FEZ1: variants seen among roughly 807,000 people sequenced by gnomAD.
FEZ1 encodes the protein fasciculation and elongation protein zeta 1.
In FEZ1, 20 loss-of-function variants were observed where a neutral mutation model predicts 49.3. The ratio of observed to expected loss-of-function variants is 0.41; its 90% confidence interval spans 0.29 to 0.59. The LOEUF (loss-of-function observed/expected upper bound fraction) is 0.59. FEZ1 is among the 20% of genes least tolerant of loss of function. The pLI, the probability that FEZ1 is intolerant of heterozygous loss-of-function variation, is 0.36. For missense variants in FEZ1, 413 were observed against 476.0 expected (o/e 0.87, Z 1.23); for synonymous variants, 170 against 180.9 (o/e 0.94, Z 0.48).
In FEZ1 at chr11:125,481,590, C is replaced by G; in HGVS notation, c.355G>C (p.Glu119Gln). 6.2e-7 allele frequency: 1 copy of G among 1,613,412 alleles called. No individual in the cohort carries two copies. The change falls in exon 3 of 10, where the codon GAA becomes CAA. Residue 119 changes from glutamate (E) to glutamine (Q), a missense_variant. By Grantham distance (29) the Glu-to-Gln change is conservative (BLOSUM62 2). Transcript: ENST00000278919. ...LTDNYIPSLS[E>Q]DWRDPNIEAL... The stretch of plus-strand genomic sequence containing the variant: ...TCGATGTTTGGATCCCTCCAGTCTT[C>G]TGAGAGTGAAGGGATGTAATTGTCT...
intron 2 of FEZ1, among the ~76,000 whole-genome samples, chr11:125,482,543 G>A (rs1281602353): frequency 1.3e-5 from 2 of 151,954 alleles, no homozygotes; most frequent in African/African-American, 2.4e-5. Flanking sequence ...GGGAGGTTGG[G>A]GAAAATTTCA....
At chr11:125,462,222 G>A (rs559814931) in intron 4 of FEZ1, among the ~76,000 whole-genome samples, 2 of 152,340 alleles carry the variant, frequency 1.3e-5, no homozygotes, top group Admixed American at 6.5e-5. Context: ...GGAAACTTAT[G>A]TAGTGTTTAG....
chr11:125,485,278 AG>A (rs1257571835), intron 2 of FEZ1, among the ~76,000 whole-genome samples: 5 of 152,110 alleles, frequency 3.3e-5, no homozygotes, highest in Admixed American at 2.0e-4. Flanking sequence ...AATTGACTTA[AG>A]TATCTTTCGC....
chr11:125,489,332 G>C lies in FEZ1; in HGVS notation c.311+135C>G. The C allele has an allele frequency of 6.9e-7, 1 of 1,447,422 alleles. No individual in the cohort carries two copies. Among genetic ancestry groups the C allele is most frequent in the Non-Finnish European group, 9.1e-7 (1 of 1,101,994 alleles). 89.7% of individuals were successfully genotyped at this position (1,447,422 alleles called of 1,614,324 possible). A position where few individuals can be genotyped will look rare whatever the true frequency, so the allele number is the denominator to read the frequency against. On this transcript the variant is annotated intron_variant, in intron 2 of 9. Coordinates refer to ENST00000278919, the MANE Select transcript of FEZ1 (RefSeq NM_005103.5). The surrounding 1 kb of genome is among the most constrained non-coding windows in gnomAD (Gnocchi z 4.2). ...ATAGAGCTATGACAGCAAGTACCAG[G>C]GCACTGCTCCGCTGGCAACACGAAA...
intron 3 of FEZ1, among the ~76,000 whole-genome samples, chr11:125,468,351 CA>C (rs2135759136): frequency 6.6e-6 from 1 of 152,056 alleles, no homozygotes; most frequent in East Asian, 1.9e-4. Flanking sequence ...CAAACTTTTT[CA>C]TTTTTTTGTA....
intron 2 of FEZ1, among the ~76,000 whole-genome samples, chr11:125,486,074 T>C (rs1957324452): frequency 6.6e-6 from 1 of 152,222 alleles, no homozygotes; most frequent in Admixed American, 6.5e-5. Flanking sequence ...GAGAATTAAA[T>C]TTTCTAAAAA....
At chr11:125,451,881 C>T (rs1241970298) in intron 8 of FEZ1, among the ~76,000 whole-genome samples, 1 of 152,208 alleles carries the variant, frequency 6.6e-6, no homozygotes, top group Admixed American at 6.5e-5. Context: ...CAGCCTTACC[C>T]CACCCAAGAA....
chr11:125,473,502 C>A lies in FEZ1; in HGVS notation c.411+8032G>T, dbSNP rs945346914. 5.3e-5 allele frequency among the ~76,000 whole-genome samples: 8 copies of A among 152,080 alleles called. 1 individual carries two copies. ...AAAAATTTTAAAAAATGAGCCCTGA[C>A]CCTTACTCCATACTATATACAAAAC... On this transcript the variant is annotated intron_variant, in intron 3 of 9. Coordinates refer to ENST00000278919, the MANE Select transcript of FEZ1 (RefSeq NM_005103.5).
chr11:125,449,734 G>A (rs1956936332), intron 8 of FEZ1, among the ~76,000 whole-genome samples: 2 of 152,292 alleles, frequency 1.3e-5, no homozygotes, highest in East Asian at 3.9e-4. Flanking sequence ...CTGATAGCTA[G>A]GGTCAGAAGG....
At chr11:125,491,063 A>G (rs1261225205) in intron 1 of FEZ1, among the ~76,000 whole-genome samples, 1 of 152,142 alleles carries the variant, frequency 6.6e-6, no homozygotes, top group African/African-American at 2.4e-5. Context: ...CAAGCACCCA[A>G]GGTTTTCCCA....
chr11:125,485,722 G>A (rs1396868379), intron 2 of FEZ1, among the ~76,000 whole-genome samples: 1 of 151,122 alleles, frequency 6.6e-6, no homozygotes, highest in Non-Finnish European at 1.5e-5. Context: ...GATTGCCTGA[G>A]CTCAGGAGTT....
chr11:125,449,672 A>G (rs1215687152), intron 8 of FEZ1, among the ~76,000 whole-genome samples: 3 of 152,140 alleles, frequency 2.0e-5, no homozygotes, highest in African/African-American at 7.2e-5. Context: ...GCTTTTCTCA[A>G]TGAGCATGTA....
At chr11:125,479,057 C>T (rs941943919) in intron 3 of FEZ1, among the ~76,000 whole-genome samples, 15 of 152,096 alleles carry the variant, frequency 9.9e-5, no homozygotes, top group African/African-American at 3.1e-4. Context: ...CATGCACAGC[C>T]GAGAGTTCAA....
intron 3 of FEZ1, among the ~76,000 whole-genome samples, chr11:125,472,244 C>T (rs1957190688): frequency 6.6e-6 from 1 of 151,182 alleles, no homozygotes; most frequent in Admixed American, 6.6e-5. Flanking sequence ...AGTAATAAAG[C>T]TAAGAGAGGG....
intron 3 of FEZ1, among the ~76,000 whole-genome samples, chr11:125,464,808 A>G (rs1052130552): frequency 1.1e-4 from 17 of 152,238 alleles, no homozygotes; most frequent in African/African-American, 4.1e-4. Flanking sequence ...AGGTAATGGA[A>G]TCATCTGAAG....
intron 5 of FEZ1, among the ~76,000 whole-genome samples, chr11:125,456,990 C>T (rs1454544143): frequency 6.6e-6 from 1 of 151,708 alleles, no homozygotes; most frequent in South Asian, 2.1e-4. Flanking sequence ...TCGAAAACAG[C>T]CTGGCCAGCA....
At chr11:125,462,964 C>T (rs576693022) in intron 4 of FEZ1, among the ~76,000 whole-genome samples, 1 of 149,212 alleles carries the variant, frequency 6.7e-6, no homozygotes, top group African/African-American at 2.5e-5. Flanking sequence ...TTTGCCACTG[C>T]ACTCTGGCCT....
intron 1 of FEZ1, among the ~76,000 whole-genome samples, chr11:125,492,572 G>C (rs960129972): frequency 5.9e-5 from 9 of 152,182 alleles, no homozygotes; most frequent in African/African-American, 2.2e-4. Context: ...GATTAAGGCA[G>C]TACTCTGTGA....
intron 8 of FEZ1, among the ~76,000 whole-genome samples, chr11:125,449,102 G>A (rs762985016): frequency 2.6e-5 from 4 of 151,844 alleles, no homozygotes; most frequent in African/African-American, 9.7e-5. Flanking sequence ...GTGCAGTGGC[G>A]TGTTCTCAGC....
Sources: allele counts gnomAD v4.1 joint callset (sites outside exome capture counted in the v4.1 genomes callset), GRCh38; gene constraint gnomAD v4.1.1; non-coding constraint Gnocchi (gnomAD v3.1); transcripts MANE v1.5; gene names NCBI Gene and HGNC (gene_info 2026-07-23, HGNC 2026-07-21).